The following THSD7B variants were observed in gnomAD, a reference collection of about 807,000 sequenced individuals.
THSD7B encodes the protein thrombospondin type-1 domain-containing protein 7B.
A neutral mutation model predicts 213.6 loss-of-function variants in THSD7B; 138 were observed. The observed-to-expected ratio is 0.65, with a 90% CI of 0.56 to 0.74. THSD7B has a LOEUF of 0.74. Among genes scored for constraint, THSD7B ranks in the 30% least tolerant of loss-of-function variants. THSD7B has a pLI of 0.00. For synonymous variants in THSD7B, 742 were observed against 687.0 expected, an observed-to-expected ratio of 1.08 and a Z score of -1.25; for missense variants, 1,931 against 1,991.5, an observed-to-expected ratio of 0.97 and a Z score of 0.58.
chr2:137,110,203 C>G (rs1322207882), intron 4 of THSD7B, among the ~76,000 whole-genome samples: 2 of 152,192 alleles, frequency 1.3e-5, no homozygotes, highest in African/African-American at 4.8e-5. Flanking sequence ...AGAAGGTAAT[C>G]TTCCCAAGGT....
intron 5 of THSD7B, among the ~76,000 whole-genome samples, chr2:137,122,933 A>G (rs934486230): frequency 5.3e-5 from 8 of 152,236 alleles, no homozygotes; most frequent in African/African-American, 1.9e-4. Flanking sequence ...TTGTTTATGC[A>G]TACTGGTCAC....
At chr2:137,452,689 A>G (rs1208578934) in intron 15 of THSD7B, among the ~76,000 whole-genome samples, 1 of 152,156 alleles carries the variant, frequency 6.6e-6, no homozygotes, top group Non-Finnish European at 1.5e-5. Context: ...ATTTTATTTG[A>G]ACTCTGAGTT....
chr2:137,306,030 C>CT (rs1261747714), intron 12 of THSD7B, among the ~76,000 whole-genome samples: 1 of 152,122 alleles, frequency 6.6e-6, no homozygotes, highest in Non-Finnish European at 1.5e-5. Context: ...GTGTGCGGCA[C>CT]TTACCATGAA....
intron 14 of THSD7B, among the ~76,000 whole-genome samples, chr2:137,435,978 C>G (rs898085136): frequency 2.6e-5 from 4 of 152,130 alleles, no homozygotes; most frequent in African/African-American, 9.7e-5. Context: ...ACTGCATGCT[C>G]TCATCTCCAG....
chr2:137,184,760 T>A (rs1436011660), intron 7 of THSD7B, among the ~76,000 whole-genome samples: 1 of 152,080 alleles, frequency 6.6e-6, no homozygotes, highest in Non-Finnish European at 1.5e-5. Flanking sequence ...AAGCCAGAGA[T>A]CCAGAGGCAA....
At chr2:137,656,654 G>T in intron 22 of THSD7B, 142 bp from the exon 23 acceptor site, 1 of 725,376 alleles carries the variant, frequency 1.4e-6, no homozygotes, top group East Asian at 2.8e-5. Context: ...CATTCTGATT[G>T]GAAAATTGAT....
At chr2:137,662,879 A>G (rs1683376006) in intron 25 of THSD7B, among the ~76,000 whole-genome samples, 1 of 151,918 alleles carries the variant, frequency 6.6e-6, no homozygotes, top group South Asian at 2.1e-4. Context: ...ACATGGTGAA[A>G]CCCTGTTTCT....
chr2:137,383,942 G>A (rs895372529), intron 12 of THSD7B, among the ~76,000 whole-genome samples: 5 of 152,166 alleles, frequency 3.3e-5, no homozygotes, highest in East Asian at 1.9e-4. Flanking sequence ...CTCAATTTGC[G>A]GATTGTTACA....
chr2:137,286,589 A>G (rs1683188047), intron 12 of THSD7B, among the ~76,000 whole-genome samples: 1 of 151,564 alleles, frequency 6.6e-6, no homozygotes. Flanking sequence ...CATCAGAAGC[A>G]AAAAGTCATT....
In THSD7B at chr2:137,005,748, G is replaced by A. The variant is rs1056641341; in HGVS notation, c.140-50672G>A. On this transcript the variant is annotated intron_variant, in intron 2 of 27. Coordinates refer to ENST00000409968, the MANE Select transcript of THSD7B (RefSeq NM_001316349.2). ...TGTGTGTATTACAAATAGCAGAATC[G>A]TGTTGTATTGTTAGCTGAAATTTCA... Among the ~76,000 whole-genome samples, 8 of 152,074 alleles carry A rather than the reference G, an allele frequency of 5.3e-5. No homozygotes were observed. The East Asian group carries it at 1.5e-3, about 29-fold the overall frequency.
At chr2:136,913,251 G>A (rs567378863) in intron 2 of THSD7B, among the ~76,000 whole-genome samples, 6 of 152,316 alleles carry the variant, frequency 3.9e-5, no homozygotes, top group Non-Finnish European at 5.9e-5. Flanking sequence ...TAGGGCATCC[G>A]GTGGAAGAAA....
intron 2 of THSD7B, among the ~76,000 whole-genome samples, chr2:136,969,434 C>G (rs1345877091): frequency 6.6e-6 from 1 of 152,112 alleles, no homozygotes; most frequent in African/African-American, 2.4e-5. Flanking sequence ...TGTGAACTGC[C>G]TTGGAGGGAA....
At chr2:137,487,222 G>T (rs1688472179) in intron 15 of THSD7B, among the ~76,000 whole-genome samples, 1 of 147,782 alleles carries the variant, frequency 6.8e-6, no homozygotes, top group South Asian at 2.1e-4. Flanking sequence ...CAAAAAATTA[G>T]CCGGGCGCAG....
chr2:137,539,796 C>T (rs1301501385), intron 15 of THSD7B, among the ~76,000 whole-genome samples: 2 of 151,626 alleles, frequency 1.3e-5, no homozygotes, highest in African/African-American at 4.8e-5. Context: ...TTTGAGCTTA[C>T]TCACCCAAAA....
At chr2:137,182,546 A>C (rs750958043) in intron 7 of THSD7B, among the ~76,000 whole-genome samples, 32 of 152,154 alleles carry the variant, frequency 2.1e-4, no homozygotes, top group Non-Finnish European at 4.4e-4. Context: ...AAAAGGTATG[A>C]GATTTAGGGT....
chr2:136,774,239 A>G (rs1253541239), intron 1 of THSD7B, among the ~76,000 whole-genome samples: 1 of 152,094 alleles, frequency 6.6e-6, no homozygotes, highest in Non-Finnish European at 1.5e-5. Context: ...TTTCTGATTT[A>G]CATTTAATGC....
At chr2:137,262,889 C>T (rs1039205103) in intron 10 of THSD7B, among the ~76,000 whole-genome samples, 1 of 152,046 alleles carries the variant, frequency 6.6e-6, no homozygotes, top group African/African-American at 2.4e-5. Context: ...GAGAAAGCAT[C>T]CCTGAGATTC....
chr2:136,885,656 G>C (rs1327310678), intron 2 of THSD7B, among the ~76,000 whole-genome samples: 3 of 152,120 alleles, frequency 2.0e-5, no homozygotes, highest in African/African-American at 7.2e-5. Context: ...AGTAAATTGT[G>C]CTCTCTTAAA....
At chr2:137,200,060 G>A (rs75001700) in intron 7 of THSD7B, among the ~76,000 whole-genome samples, 2,974 of 152,134 alleles carry the variant, frequency 0.02, 41 homozygotes, top group African/African-American at 0.04. Context: ...CGTTGGAAAT[G>A]TGAATATTTT....
Sources: allele counts gnomAD v4.1 joint callset (sites outside exome capture counted in the v4.1 genomes callset), GRCh38; gene constraint gnomAD v4.1.1; transcripts MANE v1.5; gene names NCBI Gene and HGNC (gene_info 2026-07-23, HGNC 2026-07-21).